The following RASGEF1C variants were observed in gnomAD, a reference collection of about 807,000 sequenced individuals.
RASGEF1C encodes ras-GEF domain-containing family member 1C.
Under a neutral mutation model 58.1 loss-of-function variants are expected in RASGEF1C, and 27 were observed. The observed-to-expected ratio is 0.46, with a 90% CI of 0.34 to 0.64. RASGEF1C has a LOEUF of 0.64. Among genes scored for constraint, RASGEF1C ranks in the 30% least tolerant of loss-of-function variants. RASGEF1C has a pLI of 0.01. For missense variants in RASGEF1C, 502 were observed against 605.1 expected (o/e 0.83, Z 1.79); for synonymous variants, 243 against 246.3 (o/e 0.99, Z 0.13).
At chr5:180,142,405 C>T (rs1766592529) in intron 1 of RASGEF1C, among the ~76,000 whole-genome samples, 1 of 152,190 alleles carries the variant, frequency 6.6e-6, no homozygotes, top group Non-Finnish European at 1.5e-5. Flanking sequence ...CAAGATTTGG[C>T]TCAATGTACC....
At position 180,137,468 on chromosome 5, in the gene RASGEF1C, CGGTAGCCACCTTGTCA is replaced by C; in HGVS notation, c.300+106_300+121del. On this transcript the variant is annotated intron_variant, in intron 3 of 13. Transcript: ENST00000361132. The surrounding 1 kb of genome is among the most constrained non-coding windows in gnomAD (Gnocchi z 4.1). Reference sequence around the variant, plus strand: ...GGGCCTCAGACAAGGTGGAAACACCCGGTAGCCACCTTGTCAGGAAAACGGGGACAATCATTGCCTC... The same window carrying C: ...GGGCCTCAGACAAGGTGGAAACACCCGGAAAACGGGGACAATCATTGCCTC... 7.3e-7 allele frequency: 1 copy of C among 1,371,262 alleles called. No individual in the cohort carries two copies. Among genetic ancestry groups the C allele is most frequent in the East Asian group, 2.5e-5 (1 of 40,034 alleles). The allele number at this position is 1,371,262 out of a possible 1,614,324, so 84.9% of individuals were successfully genotyped here. A position where few individuals can be genotyped will look rare whatever the true frequency, so the allele number is the denominator to read the frequency against.
At chr5:180,103,277 CCG>C (rs1306518577) in intron 12 of RASGEF1C, among the ~76,000 whole-genome samples, 2 of 152,184 alleles carry the variant, frequency 1.3e-5, no homozygotes, top group Non-Finnish European at 2.9e-5. Flanking sequence ...TGGGGTTTCA[CCG>C]TGTTAGCCAG....
chr5:180,128,837 G>A lies in RASGEF1C; in HGVS notation c.439-227C>T, dbSNP rs1766312661. ...CAAGGGATCTGGGGTGAAGGCTGCA[G>A]GGCTTCCCATCTGTGGGTGGGAGCC... On this transcript the variant is annotated intron_variant, in intron 4 of 13. Transcript: ENST00000361132. 2.0e-5 allele frequency among the ~76,000 whole-genome samples: 3 copies of A among 152,192 alleles called. 1 individual carries two copies. In the South Asian group the frequency reaches 6.2e-4, roughly 31 times the overall value.
intron 1 of RASGEF1C, among the ~76,000 whole-genome samples, chr5:180,146,856 A>C (rs1766667971): frequency 6.6e-6 from 1 of 152,126 alleles, no homozygotes; most frequent in South Asian, 2.1e-4. Flanking sequence ...TGCCTCTTTA[A>C]TTTTTAGGAA....
At chr5:180,112,312 G>A (rs1765971672) in intron 11 of RASGEF1C, among the ~76,000 whole-genome samples, 1 of 152,234 alleles carries the variant, frequency 6.6e-6, no homozygotes, top group Admixed American at 6.5e-5. Flanking sequence ...CCTCTAACAA[G>A]GCCTGTGGGT....
intron 10 of RASGEF1C, among the ~76,000 whole-genome samples, chr5:180,115,866 T>TG (rs966730314): frequency 8.5e-5 from 12 of 140,444 alleles, no homozygotes; most frequent in South Asian, 2.4e-4. Flanking sequence ...GGATCAGTGG[T>TG]GGGGGGGGAT....
intron 1 of RASGEF1C, among the ~76,000 whole-genome samples, chr5:180,163,820 T>C (rs1766980750): frequency 6.6e-6 from 1 of 152,222 alleles, no homozygotes. Flanking sequence ...TGTTATTTCT[T>C]CATTAAATGA....
chr5:180,203,777 T>G (rs1336180451), intron 1 of RASGEF1C, among the ~76,000 whole-genome samples: 2 of 152,190 alleles, frequency 1.3e-5, no homozygotes, highest in Admixed American at 6.5e-5. Flanking sequence ...GGAGGATCAC[T>G]TGAGGCCAGG....
At chr5:180,146,086 C>A (rs548793793) in intron 1 of RASGEF1C, among the ~76,000 whole-genome samples, 1 of 152,138 alleles carries the variant, frequency 6.6e-6, no homozygotes, top group Non-Finnish European at 1.5e-5. Context: ...TCTTTTGTTG[C>A]CTGTGTCTTT....
At chr5:180,115,290 T>TAAA (rs35607645) in intron 10 of RASGEF1C, 131 of 397,610 alleles carry the variant, frequency 3.3e-4, no homozygotes, top group South Asian at 9.3e-4. Flanking sequence ...GCCTCCTTTT[T>TAAA]AAAAAAAAAA....
chr5:180,102,236 T>A lies in RASGEF1C; in HGVS notation c.1304-93A>T, dbSNP rs142260567. 15 of 753,418 alleles carry A rather than the reference T, an allele frequency of 2.0e-5. No homozygotes were observed. The East Asian group carries it at 3.7e-4, about 19-fold the overall frequency. 46.7% of individuals were successfully genotyped at this position (753,418 alleles called of 1,614,324 possible). On this transcript the variant is annotated intron_variant, in intron 12 of 13. Transcript: ENST00000361132. Reference sequence around the variant, plus strand: ...TATCTGCGTGGGTCTCTTTCTGGGTTCTCTATTCTGTCCCATTGATCCATG... The same window carrying A: ...TATCTGCGTGGGTCTCTTTCTGGGTACTCTATTCTGTCCCATTGATCCATG...
intron 1 of RASGEF1C, among the ~76,000 whole-genome samples, chr5:180,144,149 A>G (rs553977148): frequency 6.6e-6 from 1 of 152,326 alleles, no homozygotes; most frequent in Non-Finnish European, 1.5e-5. Flanking sequence ...GCCAGACCAC[A>G]ACACAGGCAG....
At chr5:180,144,549 G>A (rs1224533965) in intron 1 of RASGEF1C, among the ~76,000 whole-genome samples, 1 of 152,114 alleles carries the variant, frequency 6.6e-6, no homozygotes, top group Admixed American at 6.5e-5. Flanking sequence ...TGAGATGGGA[G>A]GATTGCTTGA....
At chr5:180,164,603 C>G (rs552470658) in intron 1 of RASGEF1C, among the ~76,000 whole-genome samples, 29 of 152,266 alleles carry the variant, frequency 1.9e-4, no homozygotes, top group African/African-American at 6.5e-4. Flanking sequence ...TAAGATTTCT[C>G]TGTTGTGGTT....
In RASGEF1C at chr5:180,156,086, A is replaced by T. The variant is rs922576934; in HGVS notation, c.-6-18028T>A. The stretch of plus-strand genomic sequence containing the variant: ...TAAAATCCCTAATGCATCTTCCTCA[A>T]CCGGTCCCACTCCTCATCCCCCTAA... On this transcript the variant is annotated intron_variant, in intron 1 of 13. Transcript: ENST00000361132. This position sits in a 1 kb window ranked among gnomAD's most constrained non-coding sequence, Gnocchi z 4.9. 6.6e-6 allele frequency among the ~76,000 whole-genome samples: 1 copy of T among 152,086 alleles called. No individual in the cohort carries two copies. Among genetic ancestry groups the T allele is most frequent in the African/African-American group, 2.4e-5 (1 of 41,420 alleles).
rs372864226 is a variant in RASGEF1C, at chr5:180,143,215, A to C, written c.-6-5157T>G. ...GCAGGGGGGCACTCTGATGCCTGCC[A>C]GCACCCAGCTGGGCATCCTTCCTTC... On this transcript the variant is annotated intron_variant, in intron 1 of 13. Transcript: ENST00000361132. The surrounding 1 kb of genome is among the most constrained non-coding windows in gnomAD (Gnocchi z 4.3). Among the ~76,000 whole-genome samples the C allele has an allele frequency of 2.6e-5, 4 of 152,192 alleles. No individual in the cohort carries two copies. Among genetic ancestry groups the C allele is most frequent in the African/African-American group, 7.2e-5 (3 of 41,460 alleles).
intron 1 of RASGEF1C, among the ~76,000 whole-genome samples, chr5:180,182,309 G>T (rs900923149): frequency 1.5e-4 from 23 of 149,604 alleles, no homozygotes; most frequent in Non-Finnish European, 3.0e-4. Flanking sequence ...TCCTTCCGGT[G>T]GGTTTGTGGT....
chr5:180,168,254 A>G lies in RASGEF1C; in HGVS notation c.-6-30196T>C, dbSNP rs1767050574. ...GAGACCAGCCTGATCAACATGGAGA[A>G]ACCCCGTCTCTACTTAAAAAAATAC... On this transcript the variant is annotated intron_variant, in intron 1 of 13. Transcript: ENST00000361132. This position sits in a 1 kb window ranked among gnomAD's most constrained non-coding sequence, Gnocchi z 6.0. 1.3e-5 allele frequency among the ~76,000 whole-genome samples: 2 copies of G among 152,104 alleles called. No individual in the cohort carries two copies. The highest frequency in any genetic ancestry group is 4.8e-5 in the African/African-American group (2 of 41,428).
At position 180,136,367 on chromosome 5, in the gene RASGEF1C, C is replaced by T. The variant is rs1289507679; in HGVS notation, c.438+11G>A. The T allele has an allele frequency of 1.3e-6, 2 of 1,551,968 alleles. No homozygotes were observed. Among genetic ancestry groups the T allele is most frequent in the Admixed American group, 1.9e-5 (1 of 51,546 alleles). On this transcript the variant is annotated intron_variant, in intron 4 of 13. Transcript: ENST00000361132. ...GACCCAGGGTGACGCGACCCCCGCCCAGCTGCCCACCTCGTCACAGGGGGC... is the reference window on the plus strand; with the variant it reads ...GACCCAGGGTGACGCGACCCCCGCCTAGCTGCCCACCTCGTCACAGGGGGC...
Sources: gnomAD v4.1 joint callset for allele counts (sites outside exome capture counted in the v4.1 genomes callset) on GRCh38, gnomAD v4.1.1 for gene constraint, Gnocchi (gnomAD v3.1) non-coding constraint, MANE v1.5 for transcripts, NCBI Gene and HGNC (gene_info 2026-07-23, HGNC 2026-07-21) for gene names.